TRIQK: variants seen among roughly 807,000 people sequenced by gnomAD.
TRIQK encodes triple QxxK/R motif containing.
Under a neutral mutation model 10.8 loss-of-function variants are expected in TRIQK, and 10 were observed. The ratio of observed to expected loss-of-function variants is 0.92; its 90% confidence interval spans 0.57 to 1.57. The LOEUF (loss-of-function observed/expected upper bound fraction) is 1.57, where lower values mean the gene tolerates loss of function less well. TRIQK is among the 40% of genes most tolerant of loss of function. TRIQK has a pLI of 0.00. For missense variants in TRIQK, 107 were observed against 97.7 expected (o/e 1.09, Z -0.40); for synonymous variants, 33 against 33.7 (o/e 0.98, Z 0.07).
intron 1 of TRIQK, among the ~76,000 whole-genome samples, chr8:92,989,545 G>A (rs886985749): frequency 1.3e-5 from 2 of 152,142 alleles, no homozygotes; most frequent in African/African-American, 2.4e-5. Context: ...CTCCTTATGA[G>A]AATCTAATAC....
chr8:92,905,353 T>G (rs1279080837), intron 3 of TRIQK, among the ~76,000 whole-genome samples: 1 of 152,132 alleles, frequency 6.6e-6, no homozygotes, highest in East Asian at 1.9e-4. Context: ...ATGATTTCAT[T>G]TATATAAAGA....
At chr8:92,965,330 C>G (rs570218591) in intron 1 of TRIQK, 1 of 152,436 alleles carries the variant, frequency 6.6e-6, no homozygotes, top group South Asian at 2.1e-4. Flanking sequence ...CGGACACCAA[C>G]ATCTGATGGA....
At chr8:92,987,231 A>G (rs1250101919) in intron 1 of TRIQK, among the ~76,000 whole-genome samples, 3 of 152,218 alleles carry the variant, frequency 2.0e-5, no homozygotes, top group Non-Finnish European at 2.9e-5. Context: ...GTGACATTCT[A>G]TCAGAAAGTC....
chr8:92,891,903 T>C, intron 4 of TRIQK, 86 bp downstream of exon 4: 1 of 946,960 alleles, frequency 1.1e-6, no homozygotes, highest in Non-Finnish European at 1.5e-6. Context: ...ATAAAACATT[T>C]AGAATTCAAC....
At chr8:92,927,734 T>C (rs1810513581) in intron 2 of TRIQK, among the ~76,000 whole-genome samples, 2 of 152,174 alleles carry the variant, frequency 1.3e-5, no homozygotes, top group African/African-American at 2.4e-5. Flanking sequence ...AAGACTCAGT[T>C]AGAAAGACTG....
chr8:92,930,665 T>C (rs1239418786), intron 2 of TRIQK, among the ~76,000 whole-genome samples: 1 of 152,114 alleles, frequency 6.6e-6, no homozygotes, highest in Non-Finnish European at 1.5e-5. Flanking sequence ...GGCAGTTTCA[T>C]ATCCACTTGA....
chr8:92,947,587 G>GAAAAA (rs35808197), intron 2 of TRIQK, among the ~76,000 whole-genome samples: 1 of 61,418 alleles, frequency 1.6e-5, no homozygotes, highest in Non-Finnish European at 2.9e-5. Context: ...TCCGCCTCAG[G>GAAAAA]AAAAAAAAAA....
At chr8:92,972,236 A>G (rs1040449936) in intron 1 of TRIQK, among the ~76,000 whole-genome samples, 1 of 152,090 alleles carries the variant, frequency 6.6e-6, no homozygotes, top group Non-Finnish European at 1.5e-5. Context: ...TTATAAAAAT[A>G]TTTATTCAAT....
intron 1 of TRIQK, among the ~76,000 whole-genome samples, chr8:92,988,000 CTTTTTTTTTTT>C (rs549776227): frequency 5.2e-5 from 3 of 57,596 alleles, no homozygotes; most frequent in Admixed American, 5.2e-4. Flanking sequence ...TTTATACTTT[CTTTTTTTTTTT>C]TTTTTTTTTT....
intron 1 of TRIQK, among the ~76,000 whole-genome samples, chr8:92,958,187 T>A (rs1187290251): frequency 3.3e-5 from 5 of 151,898 alleles, no homozygotes; most frequent in Admixed American, 2.0e-4. Context: ...TCACTAAACT[T>A]CTTTTGATTT....
chr8:93,010,429 C>G (rs2130762929), intron 1 of TRIQK, among the ~76,000 whole-genome samples: 1 of 151,594 alleles, frequency 6.6e-6, no homozygotes, highest in East Asian at 1.9e-4. Context: ...TTAAGGTAGT[C>G]AAAGCATAAG....
chr8:92,912,453 A>G (rs911897460), intron 3 of TRIQK, among the ~76,000 whole-genome samples: 4 of 151,924 alleles, frequency 2.6e-5, no homozygotes, highest in Non-Finnish European at 5.9e-5. Flanking sequence ...TTAACAATAA[A>G]CAACTAGATT....
At chr8:92,966,509 GA>G (rs909892912), upstream of TRIQK, among the ~76,000 whole-genome samples, 1 of 149,628 alleles carries the variant, frequency 6.7e-6, no homozygotes, top group African/African-American at 2.5e-5. Flanking sequence ...CAGCAAAAAA[GA>G]AAAAAAAATC....
At chr8:92,887,189 C>G (rs1004288259) in intron 4 of TRIQK, among the ~76,000 whole-genome samples, 2 of 150,652 alleles carry the variant, frequency 1.3e-5, no homozygotes, top group Non-Finnish European at 3.0e-5. Context: ...CATTCCTTTT[C>G]ATTGTAAAGA....
intron 3 of TRIQK, among the ~76,000 whole-genome samples, chr8:92,909,351 T>C (rs1266742036): frequency 6.6e-6 from 1 of 151,888 alleles, no homozygotes; most frequent in Non-Finnish European, 1.5e-5. Context: ...GTGCAAAGGA[T>C]AACAATTTCC....
intron 2 of TRIQK, among the ~76,000 whole-genome samples, chr8:92,949,228 C>T (rs1811706038): frequency 6.6e-6 from 1 of 152,024 alleles, no homozygotes; most frequent in South Asian, 2.1e-4. Flanking sequence ...TCTTTTAATG[C>T]TATATTTTAT....
chr8:92,920,873 C>A (rs1443010075), intron 2 of TRIQK, among the ~76,000 whole-genome samples: 1 of 151,648 alleles, frequency 6.6e-6, no homozygotes, highest in Non-Finnish European at 1.5e-5. Flanking sequence ...CAGCAGTACC[C>A]AAGGAAGGCA....
intron 4 of TRIQK, among the ~76,000 whole-genome samples, chr8:92,889,048 T>C (rs1223426496): frequency 1.3e-5 from 2 of 151,642 alleles, no homozygotes; most frequent in Non-Finnish European, 3.0e-5. Flanking sequence ...GGGCCATAAA[T>C]TATGGCATTT....
At chr8:93,004,043 G>C (rs980812879) in intron 1 of TRIQK, among the ~76,000 whole-genome samples, 1 of 152,200 alleles carries the variant, frequency 6.6e-6, no homozygotes, top group African/African-American at 2.4e-5. Flanking sequence ...GCTGTTTGTG[G>C]ATTTACCATT....
Sources: allele counts gnomAD v4.1 joint callset (sites outside exome capture counted in the v4.1 genomes callset), GRCh38; gene constraint gnomAD v4.1.1; transcripts MANE v1.5; gene names NCBI Gene and HGNC (gene_info 2026-07-23, HGNC 2026-07-21).